SPOP: variants seen among roughly 807,000 people sequenced by gnomAD.
SPOP encodes speckle-type POZ protein.
In SPOP, 11 loss-of-function variants were observed where a neutral mutation model predicts 45.6. The ratio of observed to expected loss-of-function variants is 0.24; its 90% confidence interval spans 0.15 to 0.40. The LOEUF (loss-of-function observed/expected upper bound fraction) is 0.40, where lower values mean the gene tolerates loss of function less well. Ranked by LOEUF, SPOP falls within the 10% of genes least tolerant of loss-of-function variation. SPOP has a pLI of 1.00. For synonymous variants in SPOP, 166 were observed against 166.3 expected (o/e 1.00, Z 0.01); for missense variants, 152 against 465.6 (o/e 0.33, Z 6.20).
At chr17:49,611,699 T>C (rs1249186380) in intron 5 of SPOP, among the ~76,000 whole-genome samples, 1 of 152,074 alleles carries the variant, frequency 6.6e-6, no homozygotes, top group African/African-American at 2.4e-5. Context: ...AATCTCTTTT[T>C]CCCCCAGTTT....
rs936745531 is a variant in SPOP, at chr17:49,622,165, T to A, written c.79-98A>T. ...ATCATTTCCCCTCCCTCCCTCTGCA[T>A]GATCCTGATAGGAAGATAGCAGTTT... On this transcript the variant is annotated intron_variant, in intron 2 of 9. Transcript: ENST00000504102. 14 of 1,456,678 alleles carry A rather than the reference T, an allele frequency of 9.6e-6. No individual in the cohort carries two copies. The African/African-American group carries it at 2.0e-4, about 20-fold the overall frequency. 90.2% of individuals were successfully genotyped at this position (1,456,678 alleles called of 1,614,324 possible).
chr17:49,610,856 T>C (rs2071957444), intron 6 of SPOP, among the ~76,000 whole-genome samples: 1 of 152,176 alleles, frequency 6.6e-6, no homozygotes, highest in Non-Finnish European at 1.5e-5. Flanking sequence ...TCTTCTAGTA[T>C]GTTTAAATTG....
At chr17:49,626,805 A>G (rs2072339879) in intron 1 of SPOP, among the ~76,000 whole-genome samples, 1 of 152,252 alleles carries the variant, frequency 6.6e-6, no homozygotes. Context: ...AGTAATACTC[A>G]TAAATGAAAT....
chr17:49,613,003 C>T (rs1434040359), intron 5 of SPOP: 1 of 152,166 alleles, frequency 6.6e-6, no homozygotes, highest in South Asian at 2.1e-4. Flanking sequence ...TTAAAACTAG[C>T]TGTTATGGTC....
chr17:49,667,328 G>A (rs1006184105), intron 1 of SPOP, among the ~76,000 whole-genome samples: 3 of 148,378 alleles, frequency 2.0e-5, no homozygotes, highest in African/African-American at 5.0e-5. Context: ...GGTGGCTCAC[G>A]CCTATAATCT....
rs966308802 is a variant in SPOP, at chr17:49,678,084, C to A, written c.-218G>T. 2.5e-6 allele frequency: 1 copy of A among 398,462 alleles called. No homozygotes were observed. The highest frequency in any genetic ancestry group is 4.4e-5 in the Admixed American group (1 of 22,700). The allele number at this position is 398,462 out of a possible 1,614,324, so 24.7% of individuals were successfully genotyped here. ...ACACACACATACACACCGACACACA[C>A]CAGCCGGGGCGTCATGGCGTCAGCA... is the stretch of plus-strand genomic sequence containing the variant. On this transcript the variant is annotated 5_prime_UTR_variant, in exon 1 of 10. Transcript: ENST00000504102.
intron 5 of SPOP, among the ~76,000 whole-genome samples, chr17:49,615,039 T>G (rs1567775373): frequency 6.6e-6 from 1 of 152,048 alleles, no homozygotes; most frequent in Admixed American, 6.6e-5. Flanking sequence ...TTAATTTTTT[T>G]GTAGAGACAG....
At chr17:49,607,175 C>A (rs945351081) in intron 8 of SPOP, 75 bp downstream of exon 8, 2 of 1,597,044 alleles carry the variant, frequency 1.3e-6, no homozygotes, top group African/African-American at 2.7e-5. Context: ...CACAATGCAA[C>A]ATAGAATCCT....
At chr17:49,639,706 T>A (rs1463208317) in intron 1 of SPOP, among the ~76,000 whole-genome samples, 1 of 152,206 alleles carries the variant, frequency 6.6e-6, no homozygotes, top group Non-Finnish European at 1.5e-5. Context: ...TTATATTGGT[T>A]TAGAATGAAT....
chr17:49,624,331 G>GCGCA lies in SPOP; in HGVS notation c.-66-1456_-66-1455insTGCG, dbSNP rs71352523. Among the ~76,000 whole-genome samples the GCGCA allele has an allele frequency of 3.6e-3, 535 of 149,300 alleles. 1 individual carries two copies. The highest frequency in any genetic ancestry group is 6.9e-3 in the Middle Eastern group (2 of 288). ...GGAACACACACACACGCGCGCGCGCGCACACACACACACACACACACACAC... is the reference window on the plus strand; with the variant it reads ...GGAACACACACACACGCGCGCGCGCGCGCACACACACACACACACACACACACAC... On this transcript the variant is annotated intron_variant, in intron 1 of 9. Transcript: ENST00000504102.
intron 8 of SPOP, among the ~76,000 whole-genome samples, chr17:49,605,781 AG>A (rs1230533655): frequency 6.6e-6 from 1 of 152,054 alleles, no homozygotes; most frequent in Non-Finnish European, 1.5e-5. Flanking sequence ...TGAGGTCAGG[AG>A]TTTGAGACCA....
chr17:49,641,711 A>G (rs191995592), intron 1 of SPOP, among the ~76,000 whole-genome samples: 4 of 152,280 alleles, frequency 2.6e-5, no homozygotes, highest in East Asian at 1.9e-4. Context: ...TGATACAAAC[A>G]TATTTTCCCT....
At chr17:49,629,908 T>C (rs1430077222) in intron 1 of SPOP, among the ~76,000 whole-genome samples, 3 of 152,218 alleles carry the variant, frequency 2.0e-5, no homozygotes, top group East Asian at 1.9e-4. Context: ...AGATATTAGA[T>C]TGAATCATGA....
intron 1 of SPOP, among the ~76,000 whole-genome samples, chr17:49,674,322 G>A (rs1297324743): frequency 6.6e-6 from 1 of 152,110 alleles, no homozygotes; most frequent in Non-Finnish European, 1.5e-5. Flanking sequence ...CAGCAATGAA[G>A]CTATCAGGTC....
chr17:49,601,712 T>C (rs1238663469), intron 9 of SPOP, 153 bp downstream of exon 9: 1 of 932,170 alleles, frequency 1.1e-6, no homozygotes, highest in South Asian at 1.7e-5. Flanking sequence ...GTCAATTCCA[T>C]ACGGTCAACT....
At chr17:49,608,949 G>A (rs2071909919) in intron 6 of SPOP, among the ~76,000 whole-genome samples, 2 of 151,452 alleles carry the variant, frequency 1.3e-5, no homozygotes, top group African/African-American at 4.9e-5. Flanking sequence ...TGTTGCCTAG[G>A]CTAGAGTGGA....
chr17:49,615,618 A>T (rs1597918026), intron 5 of SPOP, among the ~76,000 whole-genome samples: 1 of 152,102 alleles, frequency 6.6e-6, no homozygotes, highest in Non-Finnish European at 1.5e-5. Context: ...GGCTCAAGTG[A>T]TCCTCTTGCA....
chr17:49,622,369 T>TA, intron 2 of SPOP: 1 of 542,714 alleles, frequency 1.8e-6, no homozygotes, highest in Non-Finnish European at 3.4e-6. Flanking sequence ...AAGCATATGA[T>TA]AAAACCGTAC....
At chr17:49,677,741 G>A (rs1292650013) in intron 1 of SPOP, among the ~76,000 whole-genome samples, 192 bp downstream of exon 1, 3 of 151,892 alleles carry the variant, frequency 2.0e-5, no homozygotes, top group Admixed American at 6.6e-5. Context: ...TTGAGATAGG[G>A]AGAAGGGACG....
Sources: allele counts gnomAD v4.1 joint callset (sites outside exome capture counted in the v4.1 genomes callset), GRCh38; gene constraint gnomAD v4.1.1; transcripts MANE v1.5; gene names NCBI Gene and HGNC (gene_info 2026-07-23, HGNC 2026-07-21).